SNTA1: variants seen among roughly 807,000 people sequenced by gnomAD.
SNTA1 encodes the protein alpha-1-syntrophin.
In SNTA1, 31 loss-of-function variants were observed where a neutral mutation model predicts 47.1. That is an observed-to-expected ratio of 0.66 (90% CI 0.49 to 0.89). SNTA1 has a LOEUF of 0.89. Ranked by LOEUF, SNTA1 falls within the 40% of genes least tolerant of loss-of-function variation. The pLI, the probability that SNTA1 is intolerant of heterozygous loss-of-function variation, is 0.00. For missense variants in SNTA1, 575 were observed against 693.0 expected, an observed-to-expected ratio of 0.83 and a Z score of 1.91; for synonymous variants, 300 against 313.6, an observed-to-expected ratio of 0.96 and a Z score of 0.46.
chr20:33,422,254 C>T (rs572576783), intron 2 of SNTA1, among the ~76,000 whole-genome samples: 6 of 151,692 alleles, frequency 4.0e-5, no homozygotes, highest in South Asian at 2.1e-4. Flanking sequence ...TCTTGGCCAA[C>T]GTGGTGAAAC....
chr20:33,408,233 A>C lies in SNTA1; in HGVS notation c.*274T>G. The C allele has an allele frequency of 1.3e-5, 6 of 476,794 alleles. No individual in the cohort carries two copies. The highest frequency in any genetic ancestry group is 1.6e-5 in the Non-Finnish European group (4 of 257,556). 29.5% of individuals were successfully genotyped at this position (476,794 alleles called of 1,614,324 possible). On this transcript the variant is annotated 3_prime_UTR_variant, in exon 8 of 8. Transcript: ENST00000217381. ...CACAGGGGCAGGTCCCAGACTCGGA[A>C]TGGCTTCTGTGTACACAAAATATCT...
At chr20:33,436,069 C>G (rs1440324518) in intron 2 of SNTA1, among the ~76,000 whole-genome samples, 1 of 152,092 alleles carries the variant, frequency 6.6e-6, no homozygotes, top group Non-Finnish European at 1.5e-5. Context: ...TGGCGGGCAC[C>G]TGTAGTCCCA....
At chr20:33,414,272 A>AAAAAAAAAAAAC (rs1989821672) in intron 3 of SNTA1, among the ~76,000 whole-genome samples, 1 of 138,698 alleles carries the variant, frequency 7.2e-6, no homozygotes. Context: ...AAAAAAAAAA[A>AAAAAAAAAAAAC]CAGAAAAACA....
chr20:33,412,867 CA>C, intron 3 of SNTA1, 85 bp from the exon 4 acceptor site: 2 of 898,524 alleles, frequency 2.2e-6, no homozygotes, highest in Non-Finnish European at 3.5e-6. Context: ...CACCCACCAC[CA>C]AACCAGGAGA....
chr20:33,436,133 CA>C (rs1190596250), intron 2 of SNTA1, among the ~76,000 whole-genome samples: 1 of 152,002 alleles, frequency 6.6e-6, no homozygotes, highest in Non-Finnish European at 1.5e-5. Context: ...GCGGAGCTTG[CA>C]GTGAGCCGAG....
intron 2 of SNTA1, among the ~76,000 whole-genome samples, chr20:33,437,327 TG>T (rs1990466311): frequency 6.7e-6 from 1 of 148,952 alleles, no homozygotes; most frequent in Non-Finnish European, 1.5e-5. Flanking sequence ...CTCAGGAGGT[TG>T]AGGTGGGAGG....
At position 33,416,938 on chromosome 20, in the gene SNTA1, CAAAAAAA is replaced by C. The variant is rs1161474406; in HGVS notation, c.701+774_701+780del. Among the ~76,000 whole-genome samples, 73 of 56,038 alleles carry C rather than the reference CAAAAAAA, an allele frequency of 1.3e-3. 1 individual carries two copies. The highest frequency in any genetic ancestry group is 0.011 in the East Asian group (20 of 1,856). 36.8% of individuals were successfully genotyped at this position (56,038 alleles called of 152,430 possible). A position where few individuals can be genotyped will look rare whatever the true frequency, so the allele number is the denominator to read the frequency against. On this transcript the variant is annotated intron_variant, in intron 3 of 7. Transcript: ENST00000217381. ...CCTGGGCAACAGAGTGAGACTCTGTCAAAAAAAAAAAAAAAAAAAAAAAAGTTAGCCA... is the reference window on the plus strand; with the variant it reads ...CCTGGGCAACAGAGTGAGACTCTGTCAAAAAAAAAAAAAAAAAGTTAGCCA...
chr20:33,419,569 A>G (rs1261767755), intron 2 of SNTA1, among the ~76,000 whole-genome samples: 1 of 152,160 alleles, frequency 6.6e-6, no homozygotes, highest in African/African-American at 2.4e-5. Flanking sequence ...TCATCACTGT[A>G]GCAACGACTT....
chr20:33,425,716 C>T (rs1568755841), intron 2 of SNTA1, among the ~76,000 whole-genome samples: 1 of 151,970 alleles, frequency 6.6e-6, no homozygotes, highest in Non-Finnish European at 1.5e-5. Flanking sequence ...CTTGTAATAA[C>T]GTCCTTGCTC....
intron 2 of SNTA1, among the ~76,000 whole-genome samples, chr20:33,438,243 T>A (rs931121300): frequency 1.3e-5 from 2 of 152,080 alleles, no homozygotes; most frequent in Non-Finnish European, 2.9e-5. Context: ...GAGGTTGCGA[T>A]GAACCAAGAT....
Position 33,443,434 on chromosome 20 carries a change from G to A in SNTA1, c.187C>T (p.Gln63Ter). 1 of 1,347,808 alleles carries A rather than the reference G, an allele frequency of 7.4e-7. No individual in the cohort carries two copies. Among genetic ancestry groups the A allele is most frequent in the Non-Finnish European group, 9.5e-7 (1 of 1,052,990 alleles). The allele number at this position is 1,347,808 out of a possible 1,614,324, so 83.5% of individuals were successfully genotyped here. ...CCCGGCTCCGCGGCGCCGTTGAGCT[G>A]CGCGGGCTCCTGCTCCCGCGGAGCG... Reference protein sequence around the residue: ...PGAPREQEPAQLNGAAEPGAG... With the variant: ...PGAPREQEPA The change falls in exon 1 of 8, where the codon CAG (glutamine) becomes TAG (stop). Residue 63 changes from glutamine to a stop codon, truncating the protein, a stop_gained. Transcript: ENST00000217381. LOFTEE classifies it high-confidence loss of function.
At chr20:33,411,184 G>A (rs1168106248) in intron 5 of SNTA1, among the ~76,000 whole-genome samples, 1 of 151,962 alleles carries the variant, frequency 6.6e-6, no homozygotes, top group African/African-American at 2.4e-5. Flanking sequence ...ACAGACTGCT[G>A]CTGACACCCG....
intron 3 of SNTA1, among the ~76,000 whole-genome samples, chr20:33,414,931 G>C (rs1989836599): frequency 6.6e-6 from 1 of 152,138 alleles, no homozygotes; most frequent in African/African-American, 2.4e-5. Context: ...GCTTGTTGGA[G>C]TTTCTGTACT....
chr20:33,437,643 A>C (rs1451761640), intron 2 of SNTA1, among the ~76,000 whole-genome samples: 1 of 151,972 alleles, frequency 6.6e-6, no homozygotes, highest in East Asian at 1.9e-4. Context: ...TGGGCCTGGG[A>C]CTCAACTCAG....
intron 6 of SNTA1, among the ~76,000 whole-genome samples, chr20:33,409,679 G>C (rs1388503142): frequency 6.6e-6 from 1 of 151,376 alleles, no homozygotes. Flanking sequence ...TGTCGCCCAG[G>C]CTGGAGTGCA....
chr20:33,428,710 G>T (rs910749384), intron 2 of SNTA1, among the ~76,000 whole-genome samples: 1 of 151,848 alleles, frequency 6.6e-6, no homozygotes, highest in Non-Finnish European at 1.5e-5. Context: ...GAGTAGCTGG[G>T]ATTACAGGTG....
intron 1 of SNTA1, among the ~76,000 whole-genome samples, chr20:33,440,325 G>C (rs558044613): frequency 2.0e-5 from 3 of 151,866 alleles, no homozygotes; most frequent in African/African-American, 7.3e-5. Flanking sequence ...GCATGGGGGC[G>C]CATGCCTGTA....
At position 33,443,538 on chromosome 20, in the gene SNTA1, C is replaced by T; in HGVS notation, c.83G>A (p.Trp28Ter). Residue 28 changes from tryptophan to a stop codon, truncating the protein, a stop_gained, in exon 1 of 8, where the codon TGG becomes TAG. Coordinates refer to ENST00000217381, the MANE Select transcript of SNTA1 (RefSeq NM_003098.3). LOFTEE classifies it high-confidence loss of function. ...GAGSGAGGERWQRVLLSLAED... is the reference protein window; with the variant it reads ...GAGSGAGGER Reference sequence around the variant, plus strand: ...CGCCAGACTCAGCAGCACCCGCTGCCATCGCTCGCCGCCGGCCCCCGAGCC... The same window carrying T: ...CGCCAGACTCAGCAGCACCCGCTGCTATCGCTCGCCGCCGGCCCCCGAGCC... The T allele has an allele frequency of 7.4e-7, 1 of 1,345,922 alleles. No individual in the cohort carries two copies. Among genetic ancestry groups the T allele is most frequent in the South Asian group, 1.7e-5 (1 of 58,388 alleles). 83.4% of individuals were successfully genotyped at this position (1,345,922 alleles called of 1,614,324 possible).
At chr20:33,442,306 G>A (rs1990597762) in intron 1 of SNTA1, among the ~76,000 whole-genome samples, 1 of 152,184 alleles carries the variant, frequency 6.6e-6, no homozygotes, top group Admixed American at 6.6e-5. Context: ...GGAGACCCCA[G>A]AGGGTACGGT....
Sources: allele counts gnomAD v4.1 joint callset (sites outside exome capture counted in the v4.1 genomes callset), GRCh38; gene constraint gnomAD v4.1.1; transcripts MANE v1.5; gene names NCBI Gene and HGNC (gene_info 2026-07-23, HGNC 2026-07-21).